The following ESRRG variants were observed in gnomAD, a reference collection of about 807,000 sequenced individuals.
The protein encoded by ESRRG is estrogen related receptor gamma, also known as estrogen-related receptor gamma.
In ESRRG, 13 loss-of-function variants were observed where a neutral mutation model predicts 44.0. That is an observed-to-expected ratio of 0.30 (90% CI 0.19 to 0.47). The LOEUF (loss-of-function observed/expected upper bound fraction) is 0.47. Ranked by LOEUF, ESRRG falls within the 20% of genes least tolerant of loss-of-function variation. ESRRG has a pLI of 1.00. For synonymous variants in ESRRG, 215 were observed against 214.6 expected (o/e 1.00, Z -0.02); for missense variants, 395 against 580.6 (o/e 0.68, Z 3.29).
intron 2 of ESRRG, among the ~76,000 whole-genome samples, chr1:216,827,451 C>G (rs2095416686): frequency 6.6e-6 from 1 of 152,178 alleles, no homozygotes; most frequent in Non-Finnish European, 1.5e-5. Context: ...AGCTCTATCC[C>G]TCACTAACTA....
At chr1:216,563,488 G>C (rs2059149202) in intron 5 of ESRRG, among the ~76,000 whole-genome samples, 2 of 152,070 alleles carry the variant, frequency 1.3e-5, no homozygotes, top group South Asian at 2.1e-4. Context: ...TAAGTTAACT[G>C]TACCAGAAAA....
chr1:216,509,173 C>T (rs1558155835), intron 6 of ESRRG, among the ~76,000 whole-genome samples: 1 of 152,132 alleles, frequency 6.6e-6, no homozygotes, highest in Non-Finnish European at 1.5e-5. Context: ...TTCTTCAAAT[C>T]AATAATGCTG....
chr1:217,021,932 A>G (rs1481835132), intron 1 of ESRRG, among the ~76,000 whole-genome samples: 1 of 152,156 alleles, frequency 6.6e-6, no homozygotes, highest in Non-Finnish European at 1.5e-5. Flanking sequence ...CAGCTCTTAA[A>G]TGTCCTCCCA....
rs1266397788 is a variant in ESRRG, at chr1:217,133,645, C to CTCTCTCTCTCTCTCTCTTTCTT, written c.-230+4021_-230+4022insAAGAAAGAGAGAGAGAGAGAGA. Among the ~76,000 whole-genome samples the CTCTCTCTCTCTCTCTCTTTCTT allele has an allele frequency of 3.3e-3, 307 of 91,680 alleles. 1 individual carries two copies. Among genetic ancestry groups the CTCTCTCTCTCTCTCTCTTTCTT allele is most frequent in the Non-Finnish European group, 5.4e-3 (241 of 44,446 alleles). The allele number at this position is 91,680 out of a possible 152,430, so 60.1% of individuals were successfully genotyped here. On this transcript the variant is annotated intron_variant, in intron 1 of 8. Transcript: ENST00000366940. ...TCTTTCTTTCTTTCTCTCTCTCTCT[C>CTCTCTCTCTCTCTCTCTTTCTT]TCTTTCTTTCTTTCTTTCTTTCTTT...
intron 1 of ESRRG, chr1:216,686,082 C>T (rs2077887083): frequency 6.6e-6 from 1 of 152,104 alleles, no homozygotes; most frequent in Non-Finnish European, 1.5e-5. Context: ...ATATTTTTAC[C>T]TTAATAGCTT....
At chr1:217,088,904 T>G (rs576391539) in intron 1 of ESRRG, among the ~76,000 whole-genome samples, 2 of 152,082 alleles carry the variant, frequency 1.3e-5, no homozygotes, top group East Asian at 1.9e-4. Flanking sequence ...TTTAAAATAG[T>G]TAAATGATGA....
chr1:217,003,919 A>G (rs1342404425), intron 1 of ESRRG, among the ~76,000 whole-genome samples: 1 of 152,142 alleles, frequency 6.6e-6, no homozygotes, highest in African/African-American at 2.4e-5. Context: ...CAATAGCACA[A>G]TTAACTGAGT....
chr1:216,755,991 A>G (rs1000086379), intron 2 of ESRRG, among the ~76,000 whole-genome samples: 3 of 152,042 alleles, frequency 2.0e-5, no homozygotes, highest in African/African-American at 7.2e-5. Flanking sequence ...ACTTTCCCCC[A>G]GAAACCTGAA....
chr1:216,648,984 A>T (rs2068275945), intron 3 of ESRRG, among the ~76,000 whole-genome samples: 1 of 152,110 alleles, frequency 6.6e-6, no homozygotes, highest in Non-Finnish European at 1.5e-5. Context: ...TTTCAGAAAT[A>T]TGTTTTGTTT....
At chr1:216,870,833 A>T (rs1031701809) in intron 2 of ESRRG, among the ~76,000 whole-genome samples, 3 of 151,818 alleles carry the variant, frequency 2.0e-5, no homozygotes, top group African/African-American at 7.3e-5. Flanking sequence ...ATCTGTGATG[A>T]TATCCCCTAT....
chr1:216,584,268 T>TC (rs1490863715), intron 3 of ESRRG, among the ~76,000 whole-genome samples: 1 of 151,944 alleles, frequency 6.6e-6, no homozygotes, highest in Non-Finnish European at 1.5e-5. Context: ...CAATTTTTTT[T>TC]TTTTTTGAGA....
intron 3 of ESRRG, among the ~76,000 whole-genome samples, chr1:216,607,619 C>A (rs997634657): frequency 6.6e-6 from 1 of 152,130 alleles, no homozygotes; most frequent in African/African-American, 2.4e-5. Context: ...CGCCAGTAAC[C>A]ACAACCTGAA....
intron 2 of ESRRG, among the ~76,000 whole-genome samples, chr1:216,935,190 G>A (rs919397496): frequency 6.6e-6 from 1 of 152,014 alleles, no homozygotes. Flanking sequence ...GGTGTCCTAC[G>A]ATTTAACTCA....
chr1:216,985,049 C>T (rs567554358), intron 1 of ESRRG, among the ~76,000 whole-genome samples: 4 of 152,262 alleles, frequency 2.6e-5, no homozygotes, highest in South Asian at 4.1e-4. Flanking sequence ...TTCAGAATCA[C>T]GGCTGGGTTT....
intron 2 of ESRRG, among the ~76,000 whole-genome samples, chr1:216,653,233 T>G (rs950680060): frequency 6.6e-6 from 1 of 152,190 alleles, no homozygotes; most frequent in Non-Finnish European, 1.5e-5. Context: ...AGAATGCACA[T>G]CAGGCATGTG....
chr1:216,827,421 G>A (rs913511384), intron 2 of ESRRG, among the ~76,000 whole-genome samples: 1 of 152,050 alleles, frequency 6.6e-6, no homozygotes, highest in African/African-American at 2.4e-5. Context: ...ATAACTGCAG[G>A]GAATGCTGAG....
At chr1:216,881,150 G>A (rs1156312929) in intron 2 of ESRRG, among the ~76,000 whole-genome samples, 7 of 152,012 alleles carry the variant, frequency 4.6e-5, no homozygotes, top group Non-Finnish European at 1.5e-5. Flanking sequence ...GAAAATCTTG[G>A]TAAATATTGG....
chr1:216,571,380 T>G (rs1329424299), intron 3 of ESRRG, among the ~76,000 whole-genome samples: 1 of 151,910 alleles, frequency 6.6e-6, no homozygotes, highest in Non-Finnish European at 1.5e-5. Context: ...GAGGCAGAGG[T>G]TGCAGTGAAC....
intron 1 of ESRRG, among the ~76,000 whole-genome samples, chr1:217,018,140 T>C (rs2079713255): frequency 2.0e-5 from 3 of 152,216 alleles, no homozygotes; most frequent in African/African-American, 7.2e-5. Flanking sequence ...TAATGGTTAT[T>C]AAATGTCTTC....
Sources: allele counts gnomAD v4.1 joint callset (sites outside exome capture counted in the v4.1 genomes callset), GRCh38; gene constraint gnomAD v4.1.1; transcripts MANE v1.5; gene names NCBI Gene and HGNC (gene_info 2026-07-23, HGNC 2026-07-21).